Variants in ZAP70 observed in about 807,000 individuals in gnomAD.
ZAP70 encodes tyrosine-protein kinase ZAP-70.
ZAP70 carries 27 observed loss-of-function variants against 65.8 expected under a neutral mutation model. The ratio of observed to expected loss-of-function variants is 0.41; its 90% CI spans 0.30 to 0.57. The LOEUF is 0.57. Ranked by LOEUF, ZAP70 falls within the 20% of genes least tolerant of loss-of-function variation. The pLI is 0.28. For missense variants in ZAP70, 696 were observed against 870.5 expected, an observed-to-expected ratio of 0.80 and a Z score of 2.52; for synonymous variants, 363 against 360.8, an observed-to-expected ratio of 1.01 and a Z score of -0.07.
chr2:97,734,880 G>T (rs1677789199), intron 9 of ZAP70, 168 bp downstream of exon 9: 4 of 903,786 alleles, frequency 4.4e-6, no homozygotes, highest in Non-Finnish European at 6.7e-6. Flanking sequence ...GAGAGCTCGG[G>T]ACACCTGACG....
At chr2:97,754,901 C>T in the ZAP70 span, among the ~76,000 whole-genome samples, 124 of 152,370 alleles carry the variant, frequency 8.1e-4, 1 homozygote, top group African/African-American at 2.9e-3. Flanking sequence ...TCTGGTTGCA[C>T]AGGAAATCTG....
Position 97,724,021 on chromosome 2 carries a change from G to C in ZAP70, c.-16G>C, listed in dbSNP as rs199904922. On this transcript the variant is annotated 5_prime_UTR_variant, in exon 3 of 14. Transcript: ENST00000264972. The stretch of plus-strand genomic sequence containing the variant: ...GACCCTCTGTGAACCCGCAGGTTTC[G>C]GGAGGCCCAGGGGCGATGCCAGACC... 16 of 1,545,238 alleles carry C rather than the reference G, an allele frequency of 1.0e-5. No homozygotes were observed.
At chr2:97,734,017 C>T (rs980071267) in intron 8 of ZAP70, 6 of 294,060 alleles carry the variant, frequency 2.0e-5, no homozygotes, top group Non-Finnish European at 3.3e-5. Context: ...GGATGTGAAC[C>T]CACGATGGGC....
At chr2:97,744,158 C>G (rs546678063), downstream of ZAP70, among the ~76,000 whole-genome samples, 1 of 152,188 alleles carries the variant, frequency 6.6e-6, no homozygotes, top group Non-Finnish European at 1.5e-5. Context: ...TTGAACCCAG[C>G]GAAACCCTAT....
At chr2:97,745,075 GT>G in the ZAP70 span, among the ~76,000 whole-genome samples, 1 of 152,176 alleles carries the variant, frequency 6.6e-6, no homozygotes, top group Non-Finnish European at 1.5e-5. Context: ...GTCTCGCTCT[GT>G]CCCCCAGGCT....
chr2:97,733,959 A>T (rs146944539), intron 8 of ZAP70: 118 of 372,942 alleles, frequency 3.2e-4, no homozygotes, highest in Middle Eastern at 2.5e-3. Flanking sequence ...TTTACAGATG[A>T]GAGAGGGAGG....
chr2:97,732,599 C>G, intron 4 of ZAP70: 1 of 527,198 alleles, frequency 1.9e-6, no homozygotes, highest in Non-Finnish European at 3.4e-6. Context: ...GGGTGTCCAC[C>G]GTGGGGGGTC....
chr2:97,739,543 C>T lies in ZAP70; in HGVS notation c.*45C>T, dbSNP rs1401449028. On this transcript the variant is annotated 3_prime_UTR_variant, in exon 14 of 14. Transcript: ENST00000264972. ...GCCCTCCACGCCGGCTCTTCCCCAC[C>T]CTCAGCCCCACCCCAGGTCCTGCAG... 6.3e-7 allele frequency: 1 copy of T among 1,596,742 alleles called. No homozygotes were observed. The highest frequency in any genetic ancestry group is 2.3e-5 in the East Asian group (1 of 44,046).
chr2:97,723,696 T>C (rs1368416155), intron 2 of ZAP70, among the ~76,000 whole-genome samples: 1 of 152,234 alleles, frequency 6.6e-6, no homozygotes, highest in Non-Finnish European at 1.5e-5. Flanking sequence ...GCACCGGGCC[T>C]GAAACACAAT....
At position 97,737,502 on chromosome 2, in the gene ZAP70, A is replaced by G; in HGVS notation, c.1319A>G (p.Glu440Gly). The G allele has an allele frequency of 6.2e-7, 1 of 1,614,074 alleles. No individual in the cohort carries two copies. Among genetic ancestry groups the G allele is most frequent in the East Asian group, 2.2e-5 (1 of 44,876 alleles). ...REEIPVSNVA[E>G]LLHQVSMGMK... is the part of the protein sequence containing the mutation. The stretch of plus-strand genomic sequence containing the variant: ...GAGATCCCTGTGAGCAATGTGGCCG[A>G]GCTGCTGCACCAGGTGTCCATGGGG... The change falls in exon 11 of 14, where the codon GAG (glutamate) becomes GGG (glycine). Residue 440 changes from glutamate (E) to glycine (G), a missense_variant. Glu to Gly is a moderately conservative substitution (Grantham distance 98, BLOSUM62 -2). This residue lies in a region of ZAP70 where 551 missense variants were observed against 630.0 expected (regional missense o/e 0.87). Coordinates refer to ENST00000264972, the MANE Select transcript of ZAP70 (RefSeq NM_001079.4). This position sits in a 1 kb window ranked among gnomAD's most constrained non-coding sequence, Gnocchi z 5.0.
chr2:97,737,733 C>G lies in ZAP70; in HGVS notation c.1483-24C>G. 6.2e-7 allele frequency: 1 copy of G among 1,614,102 alleles called. No homozygotes were observed. Among genetic ancestry groups the G allele is most frequent in the Non-Finnish European group, 8.5e-7 (1 of 1,179,994 alleles). The stretch of plus-strand genomic sequence containing the variant: ...GGGTAGAGGGTCCCTGACCCCTGAT[C>G]CAGCAGCATCTCCCCCTCCCCAGGC... On this transcript the variant is annotated intron_variant, in intron 11 of 13. Coordinates refer to ENST00000264972, the MANE Select transcript of ZAP70 (RefSeq NM_001079.4). The surrounding 1 kb of genome is among the most constrained non-coding windows in gnomAD (Gnocchi z 5.0).
intron 2 of ZAP70, among the ~76,000 whole-genome samples, chr2:97,721,160 A>C (rs1677138157): frequency 6.6e-6 from 1 of 152,212 alleles, no homozygotes; most frequent in African/African-American, 2.4e-5. Flanking sequence ...ACTGTACACC[A>C]ATAACTCACC....
chr2:97,732,927 T>A lies in ZAP70; in HGVS notation c.608T>A (p.Ile203Asn), dbSNP rs751747318. 3 of 1,614,028 alleles carry A rather than the reference T, an allele frequency of 1.9e-6. No individual in the cohort carries two copies. Among genetic ancestry groups the A allele is most frequent in the Non-Finnish European group, 2.5e-6 (3 of 1,180,006 alleles). Residue 203 changes from isoleucine (I) to asparagine (N), a missense_variant, in exon 5 of 14, where the codon ATC becomes AAC. Physicochemically the swap from Ile to Asn is moderately radical, Grantham distance 149 (BLOSUM62 -3). Coordinates refer to ENST00000264972, the MANE Select transcript of ZAP70 (RefSeq NM_001079.4). ...CAGGGCACATACGCCCTGTCCCTCA[T>A]CTATGGGAAGACGGTGTACCACTAC... ...KEQGTYALSLIYGKTVYHYLI... is the reference protein window; with the variant it reads ...KEQGTYALSLNYGKTVYHYLI...
intron 2 of ZAP70, among the ~76,000 whole-genome samples, chr2:97,716,159 G>A (rs1186297837): frequency 6.6e-6 from 1 of 152,178 alleles, no homozygotes; most frequent in Non-Finnish European, 1.5e-5. Flanking sequence ...GTTCTGGGCT[G>A]AGGGAATAGC....
At chr2:97,733,389 G>A in intron 7 of ZAP70, 46 bp downstream of exon 7, 1 of 1,591,298 alleles carries the variant, frequency 6.3e-7, no homozygotes, top group Non-Finnish European at 8.6e-7. Context: ...TGGAGCTGGG[G>A]AGTGGCTGTG....
chr2:97,749,317 C>T, the ZAP70 span, among the ~76,000 whole-genome samples: 6 of 152,310 alleles, frequency 3.9e-5, no homozygotes, highest in African/African-American at 1.4e-4. Flanking sequence ...CTGACACTTC[C>T]TATTTTTACA....
At chr2:97,751,653 A>G in the ZAP70 span, among the ~76,000 whole-genome samples, 1 of 152,308 alleles carries the variant, frequency 6.6e-6, no homozygotes, top group South Asian at 2.1e-4. Flanking sequence ...GTAAAGGAAC[A>G]CCTGAGGCTG....
chr2:97,747,126 C>G, the ZAP70 span, among the ~76,000 whole-genome samples: 1 of 152,166 alleles, frequency 6.6e-6, no homozygotes, highest in Non-Finnish European at 1.5e-5. Context: ...TTACAAAGTG[C>G]AGCTGCTTTG....
At chr2:97,752,677 T>A in the ZAP70 span, among the ~76,000 whole-genome samples, 1 of 152,264 alleles carries the variant, frequency 6.6e-6, no homozygotes, top group Non-Finnish European at 1.5e-5. Context: ...AATGTCTTTG[T>A]TATCCAACTT....
Sources: allele counts gnomAD v4.1 joint callset (sites outside exome capture counted in the v4.1 genomes callset), GRCh38; gene constraint gnomAD v4.1.1; regional missense constraint gnomAD v4.1.1; non-coding constraint Gnocchi (gnomAD v3.1); transcripts MANE v1.5; gene names NCBI Gene and HGNC (gene_info 2026-07-23, HGNC 2026-07-21).